Variants in ATG13 observed in about 807,000 individuals in gnomAD.
ATG13 encodes the protein autophagy related 13.
ATG13 carries 23 observed loss-of-function variants against 65.5 expected under a neutral mutation model. The observed-to-expected ratio is 0.35, with a 90% confidence interval of 0.25 to 0.50. The LOEUF (loss-of-function observed/expected upper bound fraction) is 0.50, where lower values mean the gene tolerates loss of function less well. Ranked by LOEUF, ATG13 falls within the 20% of genes least tolerant of loss-of-function variation. The pLI, the probability that ATG13 is intolerant of heterozygous loss-of-function variation, is 0.98. For missense variants in ATG13, 566 were observed against 677.0 expected, an observed-to-expected ratio of 0.84 and a Z score of 1.82; for synonymous variants, 252 against 245.2, an observed-to-expected ratio of 1.03 and a Z score of -0.26.
rs1473076869 is a variant in ATG13 at position 46,660,463 on chromosome 11, G to C, written c.789+978G>C. On this transcript the variant is annotated intron_variant, in intron 11 of 18. Transcript: ENST00000683050. Reference sequence around the variant, plus strand: ...CTTGCTCTGTCACCCAGGCTGGAATGCAGTGGCATGATTTCAGCTCACTGC... The same window carrying C: ...CTTGCTCTGTCACCCAGGCTGGAATCCAGTGGCATGATTTCAGCTCACTGC... 1.7e-4 allele frequency among the ~76,000 whole-genome samples: 24 copies of C among 139,202 alleles called. No individual in the cohort carries two copies. The Admixed American group carries it at 1.8e-3, about 11-fold the overall frequency. 91.3% of individuals were successfully genotyped at this position (139,202 alleles called of 152,430 possible).
chr11:46,655,898 C>T (rs972485181), intron 7 of ATG13, among the ~76,000 whole-genome samples: 1 of 152,088 alleles, frequency 6.6e-6, no homozygotes, highest in Non-Finnish European at 1.5e-5. Flanking sequence ...CCATCACACC[C>T]GGCAAAATTA....
At chr11:46,619,899 G>A (rs2046867337) in intron 1 of ATG13, among the ~76,000 whole-genome samples, 1 of 150,916 alleles carries the variant, frequency 6.6e-6, no homozygotes, top group South Asian at 2.1e-4. Flanking sequence ...CGTAGTGTTG[G>A]GCGCCTGTAA....
At chr11:46,648,336 G>A (rs2058168526) in intron 5 of ATG13, among the ~76,000 whole-genome samples, 1 of 152,118 alleles carries the variant, frequency 6.6e-6, no homozygotes, top group African/African-American at 2.4e-5. Context: ...CCCAGCAATT[G>A]TAATTCTGAA....
chr11:46,624,951 G>T (rs1282047072), intron 1 of ATG13, among the ~76,000 whole-genome samples: 1 of 152,016 alleles, frequency 6.6e-6, no homozygotes, highest in Non-Finnish European at 1.5e-5. Context: ...AGCCTGGGAG[G>T]TCCAGGCTGC....
At chr11:46,649,051 A>G (rs1277681302) in intron 5 of ATG13, 86 bp from the exon 6 acceptor site, 5 of 1,179,258 alleles carry the variant, frequency 4.2e-6, no homozygotes, top group Non-Finnish European at 5.9e-6. Flanking sequence ...TTGCTTATCT[A>G]TACCTTTTAA....
At chr11:46,655,171 G>A (rs1317633874) in intron 7 of ATG13, among the ~76,000 whole-genome samples, 9 of 151,992 alleles carry the variant, frequency 5.9e-5, no homozygotes, top group East Asian at 3.9e-4. Context: ...AGGCTGAGAC[G>A]GGCGGATCAC....
In ATG13 at chr11:46,665,500, G is replaced by T. The variant is rs1434066812; in HGVS notation, c.1117G>T (p.Ala373Ser). Residue 373 changes from alanine to serine, a missense_variant, in exon 14 of 19, where the codon GCT becomes TCT. This residue lies in a region of ATG13 where 387 missense variants were observed against 409.8 expected (regional missense o/e 0.94). Transcript: ENST00000683050. The part of the protein sequence containing the change: ...TCTPSDRTHC[A>S]ATPSSSEDTE... ...CACCCCTTCTGACAGAACCCACTGTGCTGCCACACCCTCCAGTAGGTGAGT... is the reference window on the plus strand; with the variant it reads ...CACCCCTTCTGACAGAACCCACTGTTCTGCCACACCCTCCAGTAGGTGAGT... 1 of 1,614,176 alleles carries T rather than the reference G, an allele frequency of 6.2e-7. No homozygotes were observed. Among genetic ancestry groups the T allele is most frequent in the Admixed American group, 1.7e-5 (1 of 60,022 alleles).
intron 14 of ATG13, among the ~76,000 whole-genome samples, chr11:46,666,862 ATTTT>A (rs112132392): frequency 6.8e-6 from 1 of 147,956 alleles, no homozygotes; most frequent in African/African-American, 2.5e-5. Flanking sequence ...GAAATTCCTG[ATTTT>A]TTTTTTTCAT....
At chr11:46,653,947 G>A (rs1424693018) in intron 7 of ATG13, among the ~76,000 whole-genome samples, 1 of 152,012 alleles carries the variant, frequency 6.6e-6, no homozygotes, top group East Asian at 1.9e-4. Flanking sequence ...AATATTACTT[G>A]AAAAATATGA....
rs902865694 is a variant in ATG13 at position 46,672,377 on chromosome 11, G to A, written c.*45G>A. Reference sequence around the variant, plus strand: ...CAGCACCCCCTTTTTGTGGCCCCAGGGCATAAGCAGCCTCCCATGCATCAG... The same window carrying A: ...CAGCACCCCCTTTTTGTGGCCCCAGAGCATAAGCAGCCTCCCATGCATCAG... On this transcript the variant is annotated 3_prime_UTR_variant, in exon 19 of 19. Transcript: ENST00000683050. 6.8e-6 allele frequency: 11 copies of A among 1,613,670 alleles called. No homozygotes were observed. Among genetic ancestry groups the A allele is most frequent in the Admixed American group, 5.0e-5 (3 of 60,012 alleles).
In ATG13 at chr11:46,648,777, TAAAAAAAA is replaced by T. The variant is rs540301936; in HGVS notation, c.271-345_271-338del. ...GGGCGACAGAGTGAGACTCTGTCTT[TAAAAAAAA>T]AAAAAAAAAAAAAAGAGAGAGAGAG... On this transcript the variant is annotated intron_variant, in intron 5 of 18. Coordinates refer to ENST00000683050, the MANE Select transcript of ATG13 (RefSeq NM_001346311.2). 1.2e-4 allele frequency: 14 copies of T among 118,850 alleles called. No individual in the cohort carries two copies. The South Asian group carries it at 2.6e-3, about 22-fold the overall frequency. The allele number at this position is 118,850 out of a possible 1,614,324, so 7.4% of individuals were successfully genotyped here.
intron 9 of ATG13, 161 bp from the exon 10 acceptor site, chr11:46,657,363 T>G: frequency 4.3e-6 from 4 of 928,972 alleles, no homozygotes; most frequent in Non-Finnish European, 6.6e-6. Flanking sequence ...CCAGAGCCAG[T>G]TTGTCCAGAA....
intron 1 of ATG13, among the ~76,000 whole-genome samples, chr11:46,620,532 T>C (rs1447881488): frequency 1.3e-5 from 2 of 151,898 alleles, no homozygotes; most frequent in Middle Eastern, 3.4e-3. Flanking sequence ...TCCCAGCACC[T>C]TGGGAGGCTG....
chr11:46,661,411 A>G (rs1242863091), intron 11 of ATG13, among the ~76,000 whole-genome samples: 1 of 150,420 alleles, frequency 6.6e-6, no homozygotes, highest in Non-Finnish European at 1.5e-5. Flanking sequence ...CCAGCTACTC[A>G]GGAGGCCGAG....
rs536869548 is a variant in ATG13 at position 46,673,521 on chromosome 11, A to G, written c.*1189A>G. 4.8e-4 allele frequency: 73 copies of G among 152,324 alleles called. No individual in the cohort carries two copies. Among genetic ancestry groups the G allele is most frequent in the African/African-American group, 1.5e-3 (64 of 41,530 alleles). The allele number at this position is 152,324 out of a possible 1,614,324, so 9.4% of individuals were successfully genotyped here. On this transcript the variant is annotated 3_prime_UTR_variant, in exon 19 of 19. Transcript: ENST00000683050. ...TAGGGGATGTTGTGTGTGTCCCCCA[A>G]CTGCCTGGGTACTTGTTCCTGATCC... is the stretch of plus-strand genomic sequence containing the variant.
At chr11:46,657,037 C>A in intron 8 of ATG13, 58 bp from the exon 9 acceptor site, 1 of 1,396,056 alleles carries the variant, frequency 7.2e-7, no homozygotes, top group Non-Finnish European at 1.0e-6. Flanking sequence ...GAAAGACGGT[C>A]TGGGGGCAGT....
chr11:46,659,491 G>T lies in ATG13; in HGVS notation c.789+6G>T, dbSNP rs749773974. ...CCACCTCCCCACCATCCCAGGTAGG[G>T]GGAAGCAGGTTCTGGGGTGGTGGTA... On this transcript the variant is annotated splice_donor_region_variant and intron_variant, in intron 11 of 18. Coordinates refer to ENST00000683050, the MANE Select transcript of ATG13 (RefSeq NM_001346311.2). 4 of 1,609,342 alleles carry T rather than the reference G, an allele frequency of 2.5e-6. No individual in the cohort carries two copies. The highest frequency in any genetic ancestry group is 3.3e-5 in the Admixed American group (2 of 60,002).
At chr11:46,665,359 G>C (rs2062063649) in intron 13 of ATG13, 24 bp from the exon 14 acceptor site, 1 of 1,610,148 alleles carries the variant, frequency 6.2e-7, no homozygotes, top group African/African-American at 1.3e-5. Context: ...ATGATTCACT[G>C]TCTCTTTCCA....
chr11:46,627,371 T>G (rs1591495113), intron 1 of ATG13, among the ~76,000 whole-genome samples: 1 of 152,132 alleles, frequency 6.6e-6, no homozygotes, highest in East Asian at 1.9e-4. Flanking sequence ...AGAGCAAGAC[T>G]CTGTCTCAAA....
Sources: gnomAD v4.1 joint callset for allele counts (sites outside exome capture counted in the v4.1 genomes callset) on GRCh38, gnomAD v4.1.1 for gene constraint, gnomAD v4.1.1 regional missense constraint, MANE v1.5 for transcripts, NCBI Gene and HGNC (gene_info 2026-07-23, HGNC 2026-07-21) for gene names.